The following ARHGAP28 variants were observed in gnomAD, a reference collection of about 807,000 sequenced individuals.
ARHGAP28 encodes the protein rho GTPase-activating protein 28.
Under a neutral mutation model 90.7 loss-of-function variants are expected in ARHGAP28, and 56 were observed. The ratio of observed to expected loss-of-function variants is 0.62; its 90% CI spans 0.50 to 0.77. The LOEUF is 0.77. Ranked by LOEUF, ARHGAP28 falls within the 30% of genes least tolerant of loss-of-function variation. The pLI is 0.00. For synonymous variants in ARHGAP28, 308 were observed against 323.3 expected, an observed-to-expected ratio of 0.95 and a Z score of 0.51; for missense variants, 869 against 900.9, an observed-to-expected ratio of 0.96 and a Z score of 0.45.
At position 6,894,817 on chromosome 18, in the gene ARHGAP28, A is replaced by G. The variant is rs558349094; in HGVS notation, c.1849-18A>G. 121 of 1,612,788 alleles carry G rather than the reference A, an allele frequency of 7.5e-5. No homozygotes were observed. The South Asian group carries it at 1.2e-3, about 16-fold the overall frequency. On this transcript the variant is annotated intron_variant, in intron 14 of 17. Transcript: ENST00000383472. ...CTTGTTTTCTCAACATTACTCCTAA[A>G]GACTGTGTTTCTTTTAGACTGCAAG...
chr18:6,755,204 A>T (rs2056099867), intron 1 of ARHGAP28, among the ~76,000 whole-genome samples: 1 of 152,178 alleles, frequency 6.6e-6, no homozygotes, highest in Non-Finnish European at 1.5e-5. Context: ...TTTTTGGAAG[A>T]ATTTTAATGT....
chr18:6,892,523 T>A (rs1206988043), intron 14 of ARHGAP28, among the ~76,000 whole-genome samples: 1 of 152,196 alleles, frequency 6.6e-6, no homozygotes, highest in African/African-American at 2.4e-5. Flanking sequence ...TTTTTCTCCT[T>A]GTGTAGGAGC....
chr18:6,758,857 A>C (rs1248908296), intron 1 of ARHGAP28, among the ~76,000 whole-genome samples: 1 of 152,186 alleles, frequency 6.6e-6, no homozygotes, highest in Non-Finnish European at 1.5e-5. Context: ...ATCAGGAAAT[A>C]GTGATTTATT....
intron 2 of ARHGAP28, among the ~76,000 whole-genome samples, chr18:6,830,011 C>T (rs1355006729): frequency 6.6e-6 from 1 of 152,122 alleles, no homozygotes; most frequent in African/African-American, 2.4e-5. Flanking sequence ...CTGTTGACAC[C>T]ACATTGTGCC....
rs553112795 is a variant in ARHGAP28 at position 6,896,537 on chromosome 18, T to C, written c.1941T>C (p.Ala647=). The C allele has an allele frequency of 5.0e-6, 8 of 1,614,148 alleles. No homozygotes were observed. Among genetic ancestry groups the C allele is most frequent in the East Asian group, 4.5e-5 (2 of 44,878 alleles). The part of the protein sequence containing the change: ...DVPEGVIRVH[A]PLLSKVSMAI... ...CGGAAGGAGTCATACGGGTCCATGC[T>C]CCACTTCTCTCCAAGGTGTCCATGG... The change falls in exon 16 of 18, where the codon GCT becomes GCC. Residue 647 remains alanine (A), a synonymous_variant. Coordinates refer to ENST00000383472, the MANE Select transcript of ARHGAP28 (RefSeq NM_001366230.1).
intron 1 of ARHGAP28, among the ~76,000 whole-genome samples, chr18:6,809,246 G>A (rs1389216745): frequency 6.6e-6 from 1 of 152,142 alleles, no homozygotes; most frequent in Non-Finnish European, 1.5e-5. Context: ...GTTGTTTATA[G>A]TGGGAGAGTA....
At chr18:6,759,566 T>C (rs556731436) in intron 1 of ARHGAP28, among the ~76,000 whole-genome samples, 1 of 152,362 alleles carries the variant, frequency 6.6e-6, no homozygotes, top group East Asian at 1.9e-4. Context: ...AGGTTAAGAA[T>C]TTAAAATACG....
chr18:6,734,149 T>A (rs2055906534), intron 1 of ARHGAP28, among the ~76,000 whole-genome samples: 1 of 152,214 alleles, frequency 6.6e-6, no homozygotes, highest in African/African-American at 2.4e-5. Flanking sequence ...TCAGTTCTGT[T>A]AAATGGTTGA....
chr18:6,729,846 G>C lies in ARHGAP28; in HGVS notation c.25G>C (p.Val9Leu), dbSNP rs1479747716. 7.0e-7 allele frequency: 1 copy of C among 1,429,658 alleles called. No individual in the cohort carries two copies. Among genetic ancestry groups the C allele is most frequent in the Non-Finnish European group, 9.1e-7 (1 of 1,095,030 alleles). 88.6% of individuals were successfully genotyped at this position (1,429,658 alleles called of 1,614,324 possible). Residue 9 changes from valine to leucine, a missense_variant, in exon 1 of 18, where the codon GTG (valine) becomes CTG (leucine). Val to Leu is a conservative substitution (Grantham distance 32, BLOSUM62 1). Coordinates refer to ENST00000383472, the MANE Select transcript of ARHGAP28 (RefSeq NM_001366230.1). MEVEDSGG[V>L]VLTAYHSYAR... ...GATGGAGGTGGAGGACTCGGGCGGC[G>C]TGGTGCTGACCGCCTACCACTCGTA...
At chr18:6,892,847 T>A (rs962129523) in intron 14 of ARHGAP28, among the ~76,000 whole-genome samples, 1 of 152,230 alleles carries the variant, frequency 6.6e-6, no homozygotes, top group Non-Finnish European at 1.5e-5. Flanking sequence ...GCAGTGTGTG[T>A]GCTGGGGCAC....
intron 5 of ARHGAP28, among the ~76,000 whole-genome samples, chr18:6,861,081 G>A (rs528577747): frequency 7.9e-5 from 12 of 152,230 alleles, no homozygotes; most frequent in African/African-American, 2.7e-4. Flanking sequence ...CGAATAAGGA[G>A]TGACCTGCAG....
At chr18:6,755,243 G>A (rs1262480516) in intron 1 of ARHGAP28, among the ~76,000 whole-genome samples, 3 of 152,156 alleles carry the variant, frequency 2.0e-5, no homozygotes, top group Non-Finnish European at 4.4e-5. Context: ...ATCTCCTAAG[G>A]CAAGTGATGA....
intron 2 of ARHGAP28, among the ~76,000 whole-genome samples, chr18:6,827,596 C>T (rs1247608888): frequency 4.1e-5 from 6 of 147,886 alleles, no homozygotes; most frequent in Non-Finnish European, 9.0e-5. Flanking sequence ...GGGGGCTGAC[C>T]CCCACCTCCC....
intron 1 of ARHGAP28, among the ~76,000 whole-genome samples, chr18:6,824,253 T>A (rs905625358): frequency 2.0e-5 from 3 of 152,142 alleles, no homozygotes; most frequent in Non-Finnish European, 4.4e-5. Context: ...ACAGAGAATT[T>A]TTTAGCCAGG....
intron 3 of ARHGAP28, among the ~76,000 whole-genome samples, chr18:6,848,635 C>A (rs566134299): frequency 6.6e-6 from 1 of 152,190 alleles, no homozygotes; most frequent in South Asian, 2.1e-4. Context: ...GATTTTACAT[C>A]GGCCAAAGGG....
intron 1 of ARHGAP28, among the ~76,000 whole-genome samples, chr18:6,766,728 A>G (rs2056202684): frequency 6.6e-6 from 1 of 152,056 alleles, no homozygotes. Flanking sequence ...AGGCTTTTCT[A>G]TACCCAGTGT....
intron 16 of ARHGAP28, among the ~76,000 whole-genome samples, chr18:6,905,407 T>G (rs916226374): frequency 2.0e-5 from 3 of 152,076 alleles, no homozygotes; most frequent in Non-Finnish European, 4.4e-5. Flanking sequence ...GAGGAGAACT[T>G]AACTTGATAA....
intron 1 of ARHGAP28, among the ~76,000 whole-genome samples, chr18:6,782,592 A>T (rs1269480216): frequency 0.034 from 904 of 26,478 alleles, 3 homozygotes; most frequent in African/African-American, 0.043. Flanking sequence ...TAATTTTTGT[A>T]TTTTTTTTTT....
rs569400210 is a variant in ARHGAP28 at position 6,852,642 on chromosome 18, A to G, written c.636+1516A>G. On this transcript the variant is annotated intron_variant, in intron 4 of 17. Coordinates refer to ENST00000383472, the MANE Select transcript of ARHGAP28 (RefSeq NM_001366230.1). ...AAAACAATGTACTAATAGCCTTAGC[A>G]TGGACTAACAACTTTTTCCTTTCGT... 2.6e-3 allele frequency among the ~76,000 whole-genome samples: 397 copies of G among 152,300 alleles called. 1 individual carries two copies. Among genetic ancestry groups the G allele is most frequent in the South Asian group, 0.016 (75 of 4,822 alleles).
Sources: gnomAD v4.1 joint callset for allele counts (sites outside exome capture counted in the v4.1 genomes callset) on GRCh38, gnomAD v4.1.1 for gene constraint, MANE v1.5 for transcripts, NCBI Gene and HGNC (gene_info 2026-07-23, HGNC 2026-07-21) for gene names.